ZNF385D: variants seen among roughly 807,000 people sequenced by gnomAD.
ZNF385D encodes the protein zinc finger protein 659.
Under a neutral mutation model 35.8 loss-of-function variants are expected in ZNF385D, and 15 were observed. That is an observed-to-expected ratio of 0.42 (90% CI 0.28 to 0.64). The LOEUF (loss-of-function observed/expected upper bound fraction) is 0.64. Among genes scored for constraint, ZNF385D ranks in the 30% least tolerant of loss-of-function variants. ZNF385D has a pLI of 0.23. For synonymous variants in ZNF385D, 212 were observed against 186.8 expected (o/e 1.13, Z -1.10); for missense variants, 474 against 494.6 (o/e 0.96, Z 0.39).
chr3:21,820,039 T>C lies in ZNF385D; in HGVS notation c.326-155011A>G, dbSNP rs562681376. Reference sequence around the variant, plus strand: ...GCATTTTAGTAATAGATTAAGCATATAAAAAACAGTAAGAATATAAAATAT... The same window carrying C: ...GCATTTTAGTAATAGATTAAGCATACAAAAAACAGTAAGAATATAAAATAT... On this transcript the variant is annotated intron_variant, in intron 3 of 5. Transcript: ENST00000494108. Among the ~76,000 whole-genome samples, 5 of 151,242 alleles carry C rather than the reference T, an allele frequency of 3.3e-5. No homozygotes were observed. In the East Asian group the frequency reaches 9.7e-4, roughly 29 times the overall value.
intron 1 of ZNF385D, among the ~76,000 whole-genome samples, chr3:21,687,315 T>G (rs1236210538): frequency 6.6e-6 from 1 of 152,202 alleles, no homozygotes; most frequent in East Asian, 1.9e-4. Flanking sequence ...AAAATAACAT[T>G]GTTATCGTGT....
At chr3:22,070,964 A>T (rs954679679) in intron 3 of ZNF385D, among the ~76,000 whole-genome samples, 1 of 152,172 alleles carries the variant, frequency 6.6e-6, no homozygotes, top group Non-Finnish European at 1.5e-5. Context: ...TATTAGGAAG[A>T]ATACGGCATT....
intron 2 of ZNF385D, among the ~76,000 whole-genome samples, chr3:22,232,595 G>A (rs1038174540): frequency 6.6e-6 from 1 of 152,084 alleles, no homozygotes; most frequent in Non-Finnish European, 1.5e-5. Flanking sequence ...GTGACCATGT[G>A]TTCTCATTGT....
intron 3 of ZNF385D, among the ~76,000 whole-genome samples, chr3:21,864,125 C>T (rs1019383623): frequency 2.0e-5 from 3 of 152,066 alleles, no homozygotes; most frequent in East Asian, 3.9e-4. Context: ...TTTGTGTGTA[C>T]ATGCATACAC....
rs562181992 is a variant in ZNF385D, at chr3:22,221,531, A to T, written c.107-52496T>A. On this transcript the variant is annotated intron_variant, in intron 2 of 5. Coordinates refer to the ZNF385D transcript ENST00000494108. Reference sequence around the variant, plus strand: ...TCTTCACTAATTTTTAAATGCACAGAGGCAATTTTGATAAAAGATGCCTTA... The same window carrying T: ...TCTTCACTAATTTTTAAATGCACAGTGGCAATTTTGATAAAAGATGCCTTA... 1.8e-3 allele frequency among the ~76,000 whole-genome samples: 269 copies of T among 152,312 alleles called. 1 individual carries two copies. The highest frequency in any genetic ancestry group is 3.0e-3 in the Non-Finnish European group (207 of 68,018).
At chr3:21,508,920 A>C (rs1423345706) in intron 4 of ZNF385D, among the ~76,000 whole-genome samples, 1 of 150,894 alleles carries the variant, frequency 6.6e-6, no homozygotes, top group African/African-American at 2.4e-5. Context: ...AAGAGATGAA[A>C]GTATCTAGTC....
rs932726395 is a variant in ZNF385D at position 21,412,775 on chromosome 3, T to C, written c.*8439A>G. On this transcript the variant is annotated 3_prime_UTR_variant, in exon 8 of 8. Coordinates refer to ENST00000281523, the MANE Select transcript of ZNF385D (RefSeq NM_024697.3). The stretch of plus-strand genomic sequence containing the variant: ...AAAGAATTCCTAATAAAAATAAATA[T>C]TAATTTGTTCACAGCTGCAAGTTTA... 9.2e-5 allele frequency: 14 copies of C among 152,196 alleles called. No homozygotes were observed. The East Asian group carries it at 1.5e-3, about 17-fold the overall frequency. 9.4% of individuals were successfully genotyped at this position (152,196 alleles called of 1,614,324 possible). A position where few individuals can be genotyped will look rare whatever the true frequency, so the allele number is the denominator to read the frequency against.
At chr3:21,930,271 A>C (rs893471965) in intron 3 of ZNF385D, among the ~76,000 whole-genome samples, 1 of 137,738 alleles carries the variant, frequency 7.3e-6, no homozygotes, top group African/African-American at 2.5e-5. Context: ...CTTTTTTTAT[A>C]CTGTACAAAA....
At chr3:21,561,598 T>G (rs1375009784) in intron 3 of ZNF385D, among the ~76,000 whole-genome samples, 7 of 152,186 alleles carry the variant, frequency 4.6e-5, no homozygotes, top group African/African-American at 1.7e-4. Context: ...TTTGGCCAGC[T>G]TGCCAGCAAC....
intron 2 of ZNF385D, among the ~76,000 whole-genome samples, chr3:22,189,298 G>C (rs994746758): frequency 3.3e-5 from 5 of 152,112 alleles, no homozygotes; most frequent in Non-Finnish European, 7.3e-5. Context: ...GAATGGCATA[G>C]ATAGGAACCA....
chr3:21,632,990 C>T (rs570267678), intron 2 of ZNF385D, among the ~76,000 whole-genome samples: 12 of 152,068 alleles, frequency 7.9e-5, no homozygotes, highest in African/African-American at 2.6e-4. Flanking sequence ...ACATTTACTT[C>T]GAACAAATCT....
At chr3:22,208,484 T>C (rs1697302111) in intron 2 of ZNF385D, among the ~76,000 whole-genome samples, 1 of 151,730 alleles carries the variant, frequency 6.6e-6, no homozygotes, top group South Asian at 2.1e-4. Flanking sequence ...ACCGAGTTGG[T>C]TAATGGGTAC....
At chr3:22,366,721 C>T (rs79080480) in intron 2 of ZNF385D, among the ~76,000 whole-genome samples, 3 of 152,018 alleles carry the variant, frequency 2.0e-5, no homozygotes, top group Non-Finnish European at 4.4e-5. Context: ...TAAATGATAA[C>T]CTTATTTGGA....
intron 1 of ZNF385D, among the ~76,000 whole-genome samples, chr3:21,704,974 T>G (rs1038251215): frequency 2.0e-5 from 3 of 152,142 alleles, no homozygotes; most frequent in African/African-American, 7.2e-5. Context: ...GTGGTAACCA[T>G]GGTAAACTGC....
At chr3:21,827,355 T>C (rs1014253794) in intron 3 of ZNF385D, among the ~76,000 whole-genome samples, 6 of 152,150 alleles carry the variant, frequency 3.9e-5, no homozygotes, top group African/African-American at 1.4e-4. Context: ...TACACACGCA[T>C]ATATATTAAC....
At chr3:21,578,686 G>C (rs1027603763) in intron 2 of ZNF385D, among the ~76,000 whole-genome samples, 2 of 152,062 alleles carry the variant, frequency 1.3e-5, no homozygotes, top group Non-Finnish European at 2.9e-5. Flanking sequence ...TGTTCCATTG[G>C]TTGATACGCC....
chr3:21,636,559 C>G (rs2065457160), intron 2 of ZNF385D, among the ~76,000 whole-genome samples: 1 of 151,288 alleles, frequency 6.6e-6, no homozygotes, highest in Admixed American at 6.6e-5. Flanking sequence ...GCATCCAGCA[C>G]AGGAGAAAGA....
intron 3 of ZNF385D, among the ~76,000 whole-genome samples, chr3:21,865,901 G>A (rs1174558878): frequency 1.3e-5 from 2 of 151,792 alleles, no homozygotes; most frequent in Non-Finnish European, 2.9e-5. Context: ...ATCCTGTTTG[G>A]GTTGACAGAT....
At chr3:21,678,867 T>G (rs2066811063) in intron 1 of ZNF385D, among the ~76,000 whole-genome samples, 1 of 152,112 alleles carries the variant, frequency 6.6e-6, no homozygotes. Context: ...CATTATGACC[T>G]TTGCTTGCCT....
Sources: allele counts gnomAD v4.1 joint callset (sites outside exome capture counted in the v4.1 genomes callset), GRCh38; gene constraint gnomAD v4.1.1; transcripts MANE v1.5; gene names NCBI Gene and HGNC (gene_info 2026-07-23, HGNC 2026-07-21).